Variants in ITSN2 observed in about 807,000 individuals in gnomAD.
ITSN2 encodes the protein intersectin-2.
ITSN2 carries 156 observed loss-of-function variants against 243.7 expected under a neutral mutation model. The ratio of observed to expected loss-of-function variants is 0.64; its 90% confidence interval spans 0.56 to 0.73. The LOEUF is 0.73. Among genes scored for constraint, ITSN2 ranks in the 30% least tolerant of loss-of-function variants. ITSN2 has a pLI of 0.00. For missense variants in ITSN2, 1,801 were observed against 1,996.1 expected (o/e 0.90, Z 1.86); for synonymous variants, 703 against 699.9 (o/e 1.00, Z -0.07).
intron 29 of ITSN2, among the ~76,000 whole-genome samples, chr2:24,245,834 G>A (rs1673296565): frequency 6.6e-6 from 1 of 152,130 alleles, no homozygotes; most frequent in Admixed American, 6.5e-5. Context: ...AAAAGAGGAT[G>A]ATAGTAAAAA....
chr2:24,266,423 T>C (rs559749914), intron 20 of ITSN2, among the ~76,000 whole-genome samples: 50 of 152,160 alleles, frequency 3.3e-4, no homozygotes, highest in Non-Finnish European at 6.9e-4. Context: ...TTTATGTTTA[T>C]GGTAAATAAT....
intron 25 of ITSN2, among the ~76,000 whole-genome samples, chr2:24,250,103 T>C (rs1280684940): frequency 2.0e-5 from 3 of 152,202 alleles, no homozygotes; most frequent in East Asian, 1.9e-4. Flanking sequence ...TTCAAGTCCA[T>C]ACCTTTTAAA....
At chr2:24,327,439 C>CAG (rs1685279515) in intron 2 of ITSN2, among the ~76,000 whole-genome samples, 1 of 151,888 alleles carries the variant, frequency 6.6e-6, no homozygotes, top group East Asian at 1.9e-4. Context: ...GCTGGGATTA[C>CAG]AGGTGCCCAT....
At chr2:24,333,953 A>C (rs1686060935) in intron 1 of ITSN2, among the ~76,000 whole-genome samples, 1 of 152,152 alleles carries the variant, frequency 6.6e-6, no homozygotes, top group Non-Finnish European at 1.5e-5. Context: ...GCAGTGGCAC[A>C]ATCTCGGCTC....
chr2:24,338,417 A>G (rs1686692881), intron 1 of ITSN2, among the ~76,000 whole-genome samples: 1 of 152,164 alleles, frequency 6.6e-6, no homozygotes, highest in Non-Finnish European at 1.5e-5. Flanking sequence ...TATAAAACCA[A>G]GCTGCACCCT....
intron 23 of ITSN2, among the ~76,000 whole-genome samples, chr2:24,255,813 G>A (rs774939387): frequency 5.1e-4 from 78 of 151,836 alleles, no homozygotes; most frequent in Non-Finnish European, 1.0e-3. Flanking sequence ...ACTTTGGGAG[G>A]CCAAGGCAGG....
intron 9 of ITSN2, among the ~76,000 whole-genome samples, chr2:24,302,444 C>T (rs897222377): frequency 6.6e-6 from 1 of 152,078 alleles, no homozygotes; most frequent in African/African-American, 2.4e-5. Context: ...GTGATCCGCC[C>T]GCCTCAGCCT....
At chr2:24,313,599 G>T in intron 3 of ITSN2, 76 bp from the exon 4 acceptor site, 1 of 928,172 alleles carries the variant, frequency 1.1e-6, no homozygotes, top group Non-Finnish European at 1.7e-6. Context: ...ATAATAATGG[G>T]TATATGTTAA....
In ITSN2 at chr2:24,203,765, T is replaced by G. The variant is rs202091169; in HGVS notation, c.4955A>C (p.Glu1652Ala). 9.5e-5 allele frequency: 153 copies of G among 1,613,888 alleles called. No individual in the cohort carries two copies. The Admixed American group carries it at 2.4e-3, about 25-fold the overall frequency. Residue 1652 changes from glutamate (E) to alanine (A), a missense_variant, in exon 40 of 40, where the codon GAA (glutamate) becomes GCA (alanine). Coordinates refer to ENST00000355123, the MANE Select transcript of ITSN2 (RefSeq NM_006277.3). Reference sequence around the variant, plus strand: ...TGTTCGAATTTTTGCCACTGGAATTTCAGTACGACCCAGGAAATCTGGTGA... The same window carrying G: ...TGTTCGAATTTTTGCCACTGGAATTGCAGTACGACCCAGGAAATCTGGTGA... Reference protein sequence around the residue: ...FSPDDFLGRTEIPVAKIRTEQ... With the variant: ...FSPDDFLGRTAIPVAKIRTEQ...
At chr2:24,206,365 C>T in intron 37 of ITSN2, 1 of 344,436 alleles carries the variant, frequency 2.9e-6, no homozygotes, top group South Asian at 2.3e-5. Context: ...CATGGGGGGG[C>T]CCGGCGGGAA....
chr2:24,326,941 T>C (rs900326210), intron 2 of ITSN2, among the ~76,000 whole-genome samples: 3 of 152,178 alleles, frequency 2.0e-5, no homozygotes, highest in Non-Finnish European at 4.4e-5. Context: ...CAAAACAGAA[T>C]TGCTTTGTGA....
intron 17 of ITSN2, among the ~76,000 whole-genome samples, chr2:24,277,275 T>C (rs1469760368): frequency 6.6e-6 from 1 of 152,226 alleles, no homozygotes; most frequent in Non-Finnish European, 1.5e-5. Context: ...TAGAATGTTT[T>C]GGTAAAAAAT....
chr2:24,359,865 G>A (rs1014953012), intron 1 of ITSN2, among the ~76,000 whole-genome samples: 1 of 152,152 alleles, frequency 6.6e-6, no homozygotes, highest in Admixed American at 6.5e-5. Context: ...ACCCTTGCCA[G>A]GAAGGAAAAC....
At chr2:24,220,427 C>T in intron 30 of ITSN2, 1 of 986,270 alleles carries the variant, frequency 1.0e-6, no homozygotes, top group Non-Finnish European at 1.2e-6. Flanking sequence ...TATAAACAAA[C>T]AGTAGCTATA....
At chr2:24,353,708 T>G (rs1688213799) in intron 1 of ITSN2, among the ~76,000 whole-genome samples, 1 of 152,178 alleles carries the variant, frequency 6.6e-6, no homozygotes, top group African/African-American at 2.4e-5. Context: ...GAAGGCACTG[T>G]GAAAACATAT....
At chr2:24,265,195 G>C (rs1039522179) in intron 20 of ITSN2, among the ~76,000 whole-genome samples, 3 of 152,232 alleles carry the variant, frequency 2.0e-5, no homozygotes, top group African/African-American at 4.8e-5. Flanking sequence ...GGACTTAAGA[G>C]AAGAACTGAC....
At chr2:24,273,500 C>A (rs1413016400) in intron 18 of ITSN2, 3 of 152,112 alleles carry the variant, frequency 2.0e-5, no homozygotes, top group Non-Finnish European at 4.4e-5. Flanking sequence ...GTACTTAGCA[C>A]ATATTTAGCA....
intron 1 of ITSN2, chr2:24,334,568 A>G: frequency 1.0e-6 from 1 of 965,598 alleles, no homozygotes; most frequent in Admixed American, 1.7e-5. Flanking sequence ...GCAAGCACCA[A>G]CCCTGCAAAG....
chr2:24,222,252 CAAAAAAAA>C (rs549424233), intron 29 of ITSN2, among the ~76,000 whole-genome samples: 47 of 64,986 alleles, frequency 7.2e-4, no homozygotes, highest in Non-Finnish European at 1.2e-3. Flanking sequence ...ACTTCATCTC[CAAAAAAAA>C]AAAAAAAAAA....
Sources: allele counts gnomAD v4.1 joint callset (sites outside exome capture counted in the v4.1 genomes callset), GRCh38; gene constraint gnomAD v4.1.1; transcripts MANE v1.5; gene names NCBI Gene and HGNC (gene_info 2026-07-23, HGNC 2026-07-21).